PRRX1: variants seen among roughly 807,000 people sequenced by gnomAD.
The protein encoded by PRRX1 is paired related homeobox 1, also known as paired mesoderm homeobox protein 1.
A neutral mutation model predicts 24.0 loss-of-function variants in PRRX1; 8 were observed. The ratio of observed to expected loss-of-function variants is 0.33; its 90% CI spans 0.20 to 0.60. The LOEUF is 0.60. PRRX1 is among the 20% of genes least tolerant of loss of function. The pLI is 0.82. For missense variants in PRRX1, 281 were observed against 322.4 expected (o/e 0.87, Z 0.98); for synonymous variants, 160 against 131.7 (o/e 1.22, Z -1.47).
chr1:170,722,710 G>A (rs1383429113), intron 2 of PRRX1: 2 of 152,166 alleles, frequency 1.3e-5, no homozygotes, highest in Non-Finnish European at 2.9e-5. Flanking sequence ...GGAGACAAAG[G>A]AGCAGAGAAA....
At chr1:170,683,859 T>C (rs925637717) in intron 1 of PRRX1, among the ~76,000 whole-genome samples, 40 of 152,216 alleles carry the variant, frequency 2.6e-4, no homozygotes, top group African/African-American at 9.4e-4. Context: ...TATGCATTAA[T>C]GGAGCCAAAA....
At chr1:170,720,954 C>T (rs539639875) in intron 2 of PRRX1, among the ~76,000 whole-genome samples, 1 of 152,194 alleles carries the variant, frequency 6.6e-6, no homozygotes, top group South Asian at 2.1e-4. Context: ...TAATTTATTT[C>T]ATCCTCACAC....
chr1:170,737,411 G>T lies in PRRX1; in HGVS notation c.*1225G>T, dbSNP rs925327546. On this transcript the variant is annotated 3_prime_UTR_variant, in exon 4 of 4. Coordinates refer to ENST00000239461, the MANE Select transcript of PRRX1 (RefSeq NM_022716.4). ...TTAAATGAATTAGAAACTATTTGAG[G>T]CTATAAAAATGTCCTTGAGTTTGGA... 5.1e-6 allele frequency: 1 copy of T among 195,714 alleles called. No homozygotes were observed. The highest frequency in any genetic ancestry group is 1.1e-5 in the Non-Finnish European group (1 of 94,328). 12.1% of individuals were successfully genotyped at this position (195,714 alleles called of 1,614,324 possible).
chr1:170,688,924 C>G (rs1241304747), intron 1 of PRRX1, among the ~76,000 whole-genome samples: 1 of 152,002 alleles, frequency 6.6e-6, no homozygotes, highest in Non-Finnish European at 1.5e-5. Flanking sequence ...AGCTATGCAT[C>G]TTTTGGTTTT....
intron 2 of PRRX1, 139 bp downstream of exon 2, chr1:170,720,040 G>A (rs1655031109): frequency 8.6e-7 from 1 of 1,160,020 alleles, no homozygotes; most frequent in East Asian, 2.5e-5. Flanking sequence ...GGTTGAGGCA[G>A]GCACATTGCT....
At chr1:170,673,018 C>T (rs921398074) in intron 1 of PRRX1, among the ~76,000 whole-genome samples, 2 of 152,088 alleles carry the variant, frequency 1.3e-5, no homozygotes, top group African/African-American at 2.4e-5. Flanking sequence ...ACAAGAGGAC[C>T]GCTGAGCTCA....
intron 1 of PRRX1, among the ~76,000 whole-genome samples, chr1:170,675,707 T>G (rs1357268485): frequency 6.6e-6 from 1 of 152,134 alleles, no homozygotes; most frequent in East Asian, 1.9e-4. Flanking sequence ...AACAACATAT[T>G]TTATTATTAT....
At chr1:170,674,733 G>GT (rs1653256521) in intron 1 of PRRX1, among the ~76,000 whole-genome samples, 1 of 149,020 alleles carries the variant, frequency 6.7e-6, no homozygotes, top group Non-Finnish European at 1.5e-5. Flanking sequence ...CCCCATCTCT[G>GT]TTTTTGTAAT....
chr1:170,666,601 C>T (rs1337170278), intron 1 of PRRX1, among the ~76,000 whole-genome samples: 2 of 152,062 alleles, frequency 1.3e-5, no homozygotes, highest in Non-Finnish European at 2.9e-5. Flanking sequence ...GAAACTTCTG[C>T]TTAGAAGACC....
chr1:170,716,191 G>A (rs190467706), intron 1 of PRRX1, among the ~76,000 whole-genome samples: 38 of 152,148 alleles, frequency 2.5e-4, no homozygotes, highest in African/African-American at 9.2e-4. Context: ...TTTTTACTAA[G>A]AGCAACAATA....
At chr1:170,707,372 A>G (rs1356551999) in intron 1 of PRRX1, among the ~76,000 whole-genome samples, 1 of 152,220 alleles carries the variant, frequency 6.6e-6, no homozygotes, top group Admixed American at 6.5e-5. Flanking sequence ...ATAGCAAGAA[A>G]GGAAAATATT....
rs753593273 is a variant in PRRX1, at chr1:170,726,384, G to T, written c.582G>T (p.Gly194=). 2 of 1,613,942 alleles carry T rather than the reference G, an allele frequency of 1.2e-6. No homozygotes were observed. The highest frequency in any genetic ancestry group is 1.7e-5 in the Admixed American group (1 of 60,010). The part of the protein sequence containing the change: ...APRPTDYLSW[G]TASPYSAMAT... ...GACCCACCGATTATCTCTCCTGGGG[G>T]ACAGCGTCTCCGTACAGGTGAATGA... The change falls in exon 3 of 4, where the codon GGG becomes GGT. Residue 194 remains glycine (G), a synonymous_variant. Coordinates refer to ENST00000239461, the MANE Select transcript of PRRX1 (RefSeq NM_022716.4).
intron 1 of PRRX1, among the ~76,000 whole-genome samples, chr1:170,712,070 T>C (rs1654769519): frequency 6.6e-6 from 1 of 152,204 alleles, no homozygotes; most frequent in Non-Finnish European, 1.5e-5. Flanking sequence ...TCATAACCTG[T>C]CTTTAGCTCT....
chr1:170,731,227 TCTTGCA>T (rs1348672666), intron 3 of PRRX1, among the ~76,000 whole-genome samples: 3 of 152,236 alleles, frequency 2.0e-5, no homozygotes, highest in African/African-American at 7.2e-5. Flanking sequence ...CCTCCGTTGT[TCTTGCA>T]CTGACAAAAG....
intron 1 of PRRX1, among the ~76,000 whole-genome samples, chr1:170,665,354 C>T (rs1311850593): frequency 6.6e-6 from 1 of 152,192 alleles, no homozygotes; most frequent in African/African-American, 2.4e-5. Flanking sequence ...TTCGCTAGTG[C>T]CTTAAAAAGA....
intron 1 of PRRX1, among the ~76,000 whole-genome samples, chr1:170,692,741 T>TCTCTCTCA (rs372525166): frequency 4.9e-4 from 68 of 139,566 alleles, no homozygotes; most frequent in Non-Finnish European, 7.3e-4. Flanking sequence ...TCTCTCTCTC[T>TCTCTCTCA]CACACACACA....
At chr1:170,722,097 A>G (rs1655104944) in intron 2 of PRRX1, among the ~76,000 whole-genome samples, 1 of 152,064 alleles carries the variant, frequency 6.6e-6, no homozygotes, top group South Asian at 2.1e-4. Context: ...CCACCTTGCT[A>G]TGATTTAATG....
At chr1:170,716,791 G>A (rs1284915840) in intron 1 of PRRX1, among the ~76,000 whole-genome samples, 1 of 152,114 alleles carries the variant, frequency 6.6e-6, no homozygotes, top group African/African-American at 2.4e-5. Flanking sequence ...AAAATACACT[G>A]CTTTCTCTCC....
At chr1:170,682,401 C>T (rs1220173876) in intron 1 of PRRX1, among the ~76,000 whole-genome samples, 1 of 104,600 alleles carries the variant, frequency 9.6e-6, no homozygotes, top group African/African-American at 2.9e-5. Context: ...CTCTAGAGTT[C>T]CCCGTAAGGA....
Sources: allele counts gnomAD v4.1 joint callset (sites outside exome capture counted in the v4.1 genomes callset), GRCh38; gene constraint gnomAD v4.1.1; transcripts MANE v1.5; gene names NCBI Gene and HGNC (gene_info 2026-07-23, HGNC 2026-07-21).